ADCY10: variants seen among roughly 807,000 people sequenced by gnomAD.
ADCY10 encodes the protein adenylate cyclase 10, also known as adenylate cyclase type 10.
ADCY10 carries 156 observed loss-of-function variants against 183.3 expected under a neutral mutation model. The ratio of observed to expected loss-of-function variants is 0.85; its 90% CI spans 0.75 to 0.97. ADCY10 has a LOEUF of 0.97. Ranked by LOEUF, ADCY10 falls within the 50% of genes least tolerant of loss-of-function variation. The pLI is 0.00. For missense variants in ADCY10, 1,745 were observed against 1,934.3 expected, an observed-to-expected ratio of 0.90 and a Z score of 1.84; for synonymous variants, 645 against 670.0, an observed-to-expected ratio of 0.96 and a Z score of 0.58.
At chr1:167,819,626 G>A (rs1014024547) in intron 30 of ADCY10, among the ~76,000 whole-genome samples, 2 of 151,840 alleles carry the variant, frequency 1.3e-5, no homozygotes, top group African/African-American at 2.4e-5. Flanking sequence ...GCAATGGCGC[G>A]ATCTTGGCTC....
intron 21 of ADCY10, among the ~76,000 whole-genome samples, chr1:167,842,467 A>C (rs565263529): frequency 6.6e-6 from 1 of 152,058 alleles, no homozygotes; most frequent in South Asian, 2.1e-4. Flanking sequence ...GGTCCCAATT[A>C]TGTCCTTGAC....
intron 21 of ADCY10, among the ~76,000 whole-genome samples, chr1:167,840,776 G>T (rs373324130): frequency 6.6e-6 from 1 of 151,862 alleles, no homozygotes; most frequent in Non-Finnish European, 1.5e-5. Flanking sequence ...AATGCCTATA[G>T]GTTCTCAAAT....
At chr1:167,851,777 C>T (rs569315284) in intron 18 of ADCY10, among the ~76,000 whole-genome samples, 26 of 150,478 alleles carry the variant, frequency 1.7e-4, no homozygotes, top group South Asian at 6.3e-4. Context: ...GAGCCAAGAT[C>T]GTGCCACTGC....
intron 3 of ADCY10, among the ~76,000 whole-genome samples, 171 bp from the exon 4 acceptor site, chr1:167,902,225 T>A (rs964871370): frequency 3.9e-5 from 6 of 152,210 alleles, no homozygotes; most frequent in Admixed American, 6.5e-5. Context: ...TGAGTCTGTT[T>A]CCTCAAGTGG....
chr1:167,902,710 G>A (rs1233307169), intron 3 of ADCY10, among the ~76,000 whole-genome samples: 1 of 152,196 alleles, frequency 6.6e-6, no homozygotes, highest in Non-Finnish European at 1.5e-5. Flanking sequence ...CTCAGAGTCT[G>A]ATAAAACACT....
Position 167,833,154 on chromosome 1 carries a change from G to T in ADCY10, c.3426C>A (p.Phe1142Leu). Reference protein sequence around the residue: ...TFYSLKGEVCFNMGQIVLAKK... With the variant: ...TFYSLKGEVCLNMGQIVLAKK... ...TGGCAAGCACTATCTGGCCCATATT[G>T]AAACAGACCTACAGGGAGGTGGGAG... is the stretch of plus-strand genomic sequence containing the variant. Residue 1142 changes from phenylalanine (F) to leucine (L), a missense_variant, in exon 25 of 33, where the codon TTC becomes TTA. By Grantham distance (22) the Phe-to-Leu change is conservative. Transcript: ENST00000367851. 6.2e-7 allele frequency: 1 copy of T among 1,614,110 alleles called. No individual in the cohort carries two copies. The highest frequency in any genetic ancestry group is 1.1e-5 in the South Asian group (1 of 91,080).
intron 1 of ADCY10, among the ~76,000 whole-genome samples, chr1:167,907,133 T>A (rs1281195754): frequency 1.3e-5 from 2 of 152,196 alleles, no homozygotes; most frequent in African/African-American, 4.8e-5. Context: ...CTGAAAGAAC[T>A]GACAGGTGTA....
At position 167,861,501 on chromosome 1, in the gene ADCY10, C is replaced by T. The variant is rs572153367; in HGVS notation, c.1617-438G>A. 2.6e-5 allele frequency among the ~76,000 whole-genome samples: 4 copies of T among 152,346 alleles called. No homozygotes were observed. In the South Asian group the frequency reaches 8.3e-4, roughly 32 times the overall value. On this transcript the variant is annotated intron_variant, in intron 14 of 32. Coordinates refer to ENST00000367851, the MANE Select transcript of ADCY10 (RefSeq NM_018417.6). Reference sequence around the variant, plus strand: ...CAAGCAGGTGAGAGTTCCCTGCACACCCAGAGCTATTTCTCCTCTCCATGC... The same window carrying T: ...CAAGCAGGTGAGAGTTCCCTGCACATCCAGAGCTATTTCTCCTCTCCATGC...
chr1:167,826,257 TC>T (rs1399409424), intron 26 of ADCY10, among the ~76,000 whole-genome samples: 1 of 152,186 alleles, frequency 6.6e-6, no homozygotes, highest in African/African-American at 2.4e-5. Context: ...GCACGAGAAA[TC>T]CAAGGCTGTA....
chr1:167,905,658 G>A (rs190348492), intron 1 of ADCY10, among the ~76,000 whole-genome samples: 6 of 151,910 alleles, frequency 3.9e-5, no homozygotes, highest in Admixed American at 3.9e-4. Flanking sequence ...ATGTAAGTGA[G>A]TATTAGAGTT....
intron 17 of ADCY10, 80 bp downstream of exon 17, chr1:167,856,085 A>G: frequency 1.3e-6 from 2 of 1,503,990 alleles, no homozygotes; most frequent in African/African-American, 1.4e-5. Context: ...ATCAAGACAC[A>G]TACTAAGAAA....
intron 26 of ADCY10, 96 bp downstream of exon 26, chr1:167,829,171 T>C (rs1202739480): frequency 7.0e-7 from 1 of 1,437,406 alleles, no homozygotes; most frequent in Non-Finnish European, 9.7e-7. Flanking sequence ...TCTATTATTA[T>C]ATCCTCAGAA....
At chr1:167,859,109 T>C (rs924866991) in intron 16 of ADCY10, among the ~76,000 whole-genome samples, 1 of 152,146 alleles carries the variant, frequency 6.6e-6, no homozygotes, top group Non-Finnish European at 1.5e-5. Flanking sequence ...AAGGGCACTA[T>C]AGTAAAAAAA....
intron 8 of ADCY10, among the ~76,000 whole-genome samples, chr1:167,885,291 T>C (rs746303869): frequency 2.0e-4 from 31 of 152,206 alleles, no homozygotes; most frequent in Non-Finnish European, 4.3e-4. Flanking sequence ...TTCTTTTCTT[T>C]TGAGTATGTA....
chr1:167,909,224 A>G (rs115747237), intron 1 of ADCY10, among the ~76,000 whole-genome samples: 2,118 of 152,276 alleles, frequency 0.014, 39 homozygotes, highest in African/African-American at 0.048. Flanking sequence ...TTCATTTTCA[A>G]TGCTATATAG....
At chr1:167,820,069 C>T (rs1287376447) in intron 30 of ADCY10, 6 of 1,574,264 alleles carry the variant, frequency 3.8e-6, no homozygotes, top group Non-Finnish European at 5.2e-6. Flanking sequence ...GTTACTCATC[C>T]TTGAGATAAA....
At chr1:167,861,170 T>A in intron 14 of ADCY10, 107 bp from the exon 15 acceptor site, 1 of 980,744 alleles carries the variant, frequency 1.0e-6, no homozygotes, top group African/African-American at 1.6e-5. Context: ...GCTATAATGA[T>A]GGAGATTTTC....
intron 7 of ADCY10, among the ~76,000 whole-genome samples, chr1:167,895,961 A>G (rs559066088): frequency 4.1e-4 from 62 of 152,352 alleles, no homozygotes; most frequent in Non-Finnish European, 6.8e-4. Flanking sequence ...AAACTAGAAA[A>G]GAATAATACT....
chr1:167,892,125 A>T (rs913625074), intron 8 of ADCY10, among the ~76,000 whole-genome samples: 3 of 151,974 alleles, frequency 2.0e-5, no homozygotes, highest in Non-Finnish European at 4.4e-5. Flanking sequence ...GGCACGTGCC[A>T]CCACACCCAA....
Sources: gnomAD v4.1 joint callset for allele counts (sites outside exome capture counted in the v4.1 genomes callset) on GRCh38, gnomAD v4.1.1 for gene constraint, MANE v1.5 for transcripts, NCBI Gene and HGNC (gene_info 2026-07-23, HGNC 2026-07-21) for gene names.